CFAP20DC: variants seen among roughly 807,000 people sequenced by gnomAD.
CFAP20DC encodes the protein protein CFAP20DC.
In CFAP20DC, 84 loss-of-function variants were observed where a neutral mutation model predicts 101.7. The observed-to-expected ratio is 0.83, with a 90% CI of 0.69 to 0.99. The LOEUF is 0.99. Ranked by LOEUF, CFAP20DC falls within the 50% of genes least tolerant of loss-of-function variation. CFAP20DC has a pLI of 0.00. For synonymous variants in CFAP20DC, 359 were observed against 351.2 expected (o/e 1.02, Z -0.25); for missense variants, 1,007 against 970.3 (o/e 1.04, Z -0.50).
At chr3:59,017,702 A>C (rs1372732554) in intron 4 of CFAP20DC, 1 of 152,122 alleles carries the variant, frequency 6.6e-6, no homozygotes, top group African/African-American at 2.4e-5. Flanking sequence ...TGAGAGTATC[A>C]GTTAGGACTC....
chr3:58,760,593 G>C (rs1420591518), intron 15 of CFAP20DC, among the ~76,000 whole-genome samples: 1 of 152,162 alleles, frequency 6.6e-6, no homozygotes, highest in Non-Finnish European at 1.5e-5. Flanking sequence ...TGGTGAGAGA[G>C]GGCATCCCTG....
At chr3:58,841,826 A>G (rs931777672) in intron 13 of CFAP20DC, among the ~76,000 whole-genome samples, 2 of 152,240 alleles carry the variant, frequency 1.3e-5, no homozygotes, top group Non-Finnish European at 2.9e-5. Flanking sequence ...GCATTCTTCA[A>G]TAAGCTCAAA....
chr3:58,932,148 C>T (rs575646097), intron 5 of CFAP20DC, among the ~76,000 whole-genome samples: 66 of 152,090 alleles, frequency 4.3e-4, no homozygotes, highest in South Asian at 2.5e-3. Flanking sequence ...GGAGCCCATG[C>T]GATCAACTGG....
At chr3:58,980,840 TG>T in intron 4 of CFAP20DC, among the ~76,000 whole-genome samples, 1 of 152,330 alleles carries the variant, frequency 6.6e-6, no homozygotes, top group East Asian at 1.9e-4. Flanking sequence ...AACATAGTGT[TG>T]GAAGTTCTGG....
intron 3 of CFAP20DC, among the ~76,000 whole-genome samples, chr3:58,718,868 G>A (rs2067431613): frequency 6.6e-6 from 1 of 152,218 alleles, no homozygotes; most frequent in Non-Finnish European, 1.5e-5. Context: ...AATCTGGGGA[G>A]GGAGGGCTAG....
At chr3:58,934,819 C>G (rs1456006439) in intron 5 of CFAP20DC, among the ~76,000 whole-genome samples, 1 of 152,188 alleles carries the variant, frequency 6.6e-6, no homozygotes, top group Non-Finnish European at 1.5e-5. Context: ...CAATGTCATA[C>G]TGAATGGGCA....
chr3:58,881,593 A>C (rs2081233614), intron 7 of CFAP20DC, among the ~76,000 whole-genome samples: 1 of 152,184 alleles, frequency 6.6e-6, no homozygotes, highest in African/African-American at 2.4e-5. Flanking sequence ...TACAAGTTTT[A>C]AGGTTTCCTT....
intron 3 of CFAP20DC, chr3:58,734,617 A>G (rs1052030090): frequency 5.9e-5 from 27 of 455,960 alleles, no homozygotes; most frequent in African/African-American, 5.2e-4. Context: ...ATGTCATCCC[A>G]TTTCTGCTCT....
In CFAP20DC at chr3:58,721,383, A is replaced by T. The variant is rs2067470893; in HGVS notation, c.198-3755T>A. ...TTATAGTCAGAATGAAGAGATAGAC[A>T]TTTTTTAAAAATTACAACCATGATA... On this transcript the variant is annotated intron_variant, in intron 3 of 3. Coordinates refer to the CFAP20DC transcript ENST00000486145. The surrounding 1 kb of genome is among the most constrained non-coding windows in gnomAD (Gnocchi z 5.2). 6.6e-6 allele frequency among the ~76,000 whole-genome samples: 1 copy of T among 152,126 alleles called. No homozygotes were observed. The highest frequency in any genetic ancestry group is 2.4e-5 in the African/African-American group (1 of 41,432).
At position 58,937,666 on chromosome 3, in the gene CFAP20DC, G is replaced by C. The variant is rs141165549; in HGVS notation, c.375C>G (p.Phe125Leu). The change falls in exon 5 of 17, where the codon TTC becomes TTG. Residue 125 changes from phenylalanine (F) to leucine (L), a missense_variant. Physicochemically the swap from Phe to Leu is conservative, Grantham distance 22. Coordinates refer to ENST00000482387, the MANE Select transcript of CFAP20DC (RefSeq NM_001394063.1). ...TACTTACAATTTTACGTTTGATCAT[G>C]AAGAGTGGAATTTTTGCATGAAGAG... is the stretch of plus-strand genomic sequence containing the variant. ...STPLHAKIPLFMIKRKIWCNL... is the reference protein window; with the variant it reads ...STPLHAKIPLLMIKRKIWCNL... The C allele has an allele frequency of 1.2e-6, 2 of 1,603,312 alleles. No individual in the cohort carries two copies. Among genetic ancestry groups the C allele is most frequent in the African/African-American group, 1.3e-5 (1 of 74,780 alleles).
chr3:58,734,437 A>G, intron 3 of CFAP20DC: 1 of 413,322 alleles, frequency 2.4e-6, no homozygotes, highest in South Asian at 1.7e-5. Flanking sequence ...GGCTTAAATA[A>G]TAATCACACC....
At chr3:59,021,378 A>AG (rs563407953) in intron 4 of CFAP20DC, among the ~76,000 whole-genome samples, 78 of 152,210 alleles carry the variant, frequency 5.1e-4, no homozygotes, top group Admixed American at 4.2e-3. Context: ...AGAGGGGCTC[A>AG]GGAATATCTG....
rs781107513 is a variant in CFAP20DC at position 58,861,459 on chromosome 3, G to A, written c.1593+2099C>T. On this transcript the variant is annotated intron_variant, in intron 12 of 16. Coordinates refer to ENST00000482387, the MANE Select transcript of CFAP20DC (RefSeq NM_001394063.1). This position sits in a 1 kb window ranked among gnomAD's most constrained non-coding sequence, Gnocchi z 4.0. ...ATATGTAAATAAACATTGTAAATAT[G>A]TAGCCTAATTTCCCATTGATTTATA... 214 of 896,542 alleles carry A rather than the reference G, an allele frequency of 2.4e-4. No individual in the cohort carries two copies. The highest frequency in any genetic ancestry group is 2.7e-4 in the Non-Finnish European group (200 of 749,232). The allele number at this position is 896,542 out of a possible 1,614,324, so 55.5% of individuals were successfully genotyped here.
chr3:58,865,823 A>T (rs1258041230), intron 11 of CFAP20DC, among the ~76,000 whole-genome samples: 1 of 152,248 alleles, frequency 6.6e-6, no homozygotes, highest in Non-Finnish European at 1.5e-5. Context: ...TCAAAAAGTC[A>T]AAGTAAAAGG....
At chr3:58,746,094 ACCCC>A (rs2068177754) in intron 16 of CFAP20DC, among the ~76,000 whole-genome samples, 2 of 152,168 alleles carry the variant, frequency 1.3e-5, no homozygotes, top group African/African-American at 2.4e-5. Flanking sequence ...TTTTTTTACA[ACCCC>A]AAAACATAGT....
intron 15 of CFAP20DC, among the ~76,000 whole-genome samples, chr3:58,761,403 G>C (rs2069577215): frequency 6.6e-6 from 1 of 151,974 alleles, no homozygotes; most frequent in Admixed American, 6.6e-5. Flanking sequence ...ATTTTTTATT[G>C]CACCTATTTG....
intron 4 of CFAP20DC, among the ~76,000 whole-genome samples, chr3:58,989,404 G>A (rs993760351): frequency 1.3e-5 from 2 of 152,044 alleles, no homozygotes; most frequent in Non-Finnish European, 2.9e-5. Context: ...ATTCTTCCTA[G>A]AGTTTCACTG....
downstream of CFAP20DC, among the ~76,000 whole-genome samples, chr3:58,740,184 G>A (rs963252984): frequency 6.6e-6 from 1 of 152,150 alleles, no homozygotes; most frequent in Non-Finnish European, 1.5e-5. This position sits in a 1 kb window ranked among gnomAD's most constrained non-coding sequence, Gnocchi z 4.6. Flanking sequence ...AGAGAGAAGA[G>A]AGAAGAGATG....
intron 15 of CFAP20DC, among the ~76,000 whole-genome samples, chr3:58,784,661 G>C (rs1477333304): frequency 6.6e-6 from 1 of 152,080 alleles, no homozygotes; most frequent in African/African-American, 2.4e-5. Flanking sequence ...AGAATGGTTT[G>C]TTTGCTTTTG....
Sources: gnomAD v4.1 joint callset for allele counts (sites outside exome capture counted in the v4.1 genomes callset) on GRCh38, gnomAD v4.1.1 for gene constraint, Gnocchi (gnomAD v3.1) non-coding constraint, MANE v1.5 for transcripts, NCBI Gene and HGNC (gene_info 2026-07-23, HGNC 2026-07-21) for gene names.